BIRC6: variants seen among roughly 807,000 people sequenced by gnomAD.
BIRC6 encodes the protein dual E2 ubiquitin-conjugating enzyme/E3 ubiquitin-protein ligase BIRC6.
BIRC6 carries 98 observed loss-of-function variants against 503.3 expected under a neutral mutation model. The observed-to-expected ratio is 0.19, with a 90% CI of 0.17 to 0.23. The LOEUF (loss-of-function observed/expected upper bound fraction) is 0.23, where lower values mean the gene tolerates loss of function less well. BIRC6 is among the 10% of genes least tolerant of loss of function. The pLI, the probability that BIRC6 is intolerant of heterozygous loss-of-function variation, is 1.00. For synonymous variants in BIRC6, 2,240 were observed against 2,078.7 expected (o/e 1.08, Z -2.11); for missense variants, 5,360 against 5,806.0 (o/e 0.92, Z 2.50).
rs1364566987 is a variant in BIRC6 at position 32,468,105 on chromosome 2, A to G, written c.5774A>G (p.Gln1925Arg). Reference sequence around the variant, plus strand: ...ATGGTTGCTTTGCAGGAGGATATACAGTGCAGGTTAGTACAGAGTGCAAAT... The same window carrying G: ...ATGGTTGCTTTGCAGGAGGATATACGGTGCAGGTTAGTACAGAGTGCAAAT... ...AMMVALQEDIQCRYNLACHRL... is the reference protein window; with the variant it reads ...AMMVALQEDIRCRYNLACHRL... Residue 1925 changes from glutamine to arginine, a missense_variant, in exon 28 of 74, where the codon CAG becomes CGG. This residue lies in a region of BIRC6 where 2,299 missense variants were observed against 2,267.2 expected (regional missense o/e 1.01). Transcript: ENST00000421745. The G allele has an allele frequency of 3.7e-6, 6 of 1,613,654 alleles. No individual in the cohort carries two copies. Among genetic ancestry groups the G allele is most frequent in the Non-Finnish European group, 4.2e-6 (5 of 1,179,778 alleles).
chr2:32,526,294 C>T (rs2056266514), intron 59 of BIRC6, among the ~76,000 whole-genome samples: 1 of 152,148 alleles, frequency 6.6e-6, no homozygotes, highest in East Asian at 1.9e-4. Context: ...CAGTGGGTAA[C>T]AAAACTGCAA....
In BIRC6 at chr2:32,458,683, CTTTTTTT is replaced by C. The variant is rs1166608470; in HGVS notation, c.4754-4492_4754-4486del. 2.4e-3 allele frequency among the ~76,000 whole-genome samples: 214 copies of C among 89,476 alleles called. 1 individual carries two copies. Among genetic ancestry groups the C allele is most frequent in the Non-Finnish European group, 3.9e-3 (182 of 47,020 alleles). The allele number at this position is 89,476 out of a possible 152,430, so 58.7% of individuals were successfully genotyped here. The stretch of plus-strand genomic sequence containing the variant: ...TGGCCTTTTGTTAATACTCTATTGC[CTTTTTTT>C]TTTTTTTTTTTTTTTTTTCTGATAC... On this transcript the variant is annotated intron_variant, in intron 23 of 73. Coordinates refer to ENST00000421745, the MANE Select transcript of BIRC6 (RefSeq NM_016252.4).
chr2:32,413,936 G>A (rs1421210064), intron 9 of BIRC6, among the ~76,000 whole-genome samples: 1 of 152,012 alleles, frequency 6.6e-6, no homozygotes, highest in African/African-American at 2.4e-5. Context: ...TTGTTAATTG[G>A]CAAAAAAGTT....
At chr2:32,552,294 C>A (rs552106013) in intron 65 of BIRC6, among the ~76,000 whole-genome samples, 1 of 152,244 alleles carries the variant, frequency 6.6e-6, no homozygotes, top group South Asian at 2.1e-4. Flanking sequence ...GAGTCTGCTC[C>A]TCATTTTAAT....
intron 66 of BIRC6, among the ~76,000 whole-genome samples, chr2:32,589,360 A>T (rs2061262769): frequency 6.6e-6 from 1 of 152,164 alleles, no homozygotes; most frequent in Non-Finnish European, 1.5e-5. Flanking sequence ...TTGTACAAGT[A>T]CCCCACTTCC....
At chr2:32,546,750 A>G (rs2058078329) in intron 63 of BIRC6, among the ~76,000 whole-genome samples, 1 of 152,190 alleles carries the variant, frequency 6.6e-6, no homozygotes, top group African/African-American at 2.4e-5. Flanking sequence ...GAAAATATCT[A>G]AGAGTAAATC....
intron 33 of BIRC6, among the ~76,000 whole-genome samples, chr2:32,473,751 A>AT (rs1184435388): frequency 0.02 from 905 of 44,884 alleles, 38 homozygotes; most frequent in South Asian, 0.037. Context: ...GTGTGTGTGT[A>AT]TTTTTTTTTT....
At chr2:32,384,378 AT>A (rs769809045) in intron 3 of BIRC6, among the ~76,000 whole-genome samples, 558 of 138,684 alleles carry the variant, frequency 4.0e-3, no homozygotes, top group Admixed American at 4.0e-3. Context: ...TGGAAAAAAG[AT>A]TTTTTTTTTT....
chr2:32,461,956 T>TGGCTTC (rs1452694847), intron 23 of BIRC6, among the ~76,000 whole-genome samples: 1 of 152,176 alleles, frequency 6.6e-6, no homozygotes, highest in African/African-American at 2.4e-5. Context: ...TCATTGGCTT[T>TGGCTTC]GGCTTCACAT....
At chr2:32,531,605 C>A in intron 61 of BIRC6, 54 bp downstream of exon 61, 1 of 1,409,528 alleles carries the variant, frequency 7.1e-7, no homozygotes, top group Non-Finnish European at 9.6e-7. Flanking sequence ...GCCCTTCATT[C>A]TTTTTAATGT....
In BIRC6 at chr2:32,499,854, G is replaced by T; in HGVS notation, c.8776G>T (p.Val2926Phe). 6.2e-7 allele frequency: 1 copy of T among 1,613,996 alleles called. No individual in the cohort carries two copies. The highest frequency in any genetic ancestry group is 8.5e-7 in the Non-Finnish European group (1 of 1,179,882). Residue 2926 changes from valine (V) to phenylalanine (F), a missense_variant, in exon 46 of 74, where the codon GTT (valine) becomes TTT (phenylalanine). This residue lies in a region of BIRC6 where 2,299 missense variants were observed against 2,267.2 expected (regional missense o/e 1.01). Transcript: ENST00000421745. ...DQLMFDLLKL[V>F]NILVQLPLSG... ...ACTCATGTTTGATTTGTTAAAACTT[G>T]TTAACATTTTAGTGCAGCTGCCTCT...
chr2:32,371,065 T>A (rs1221207079), intron 1 of BIRC6, among the ~76,000 whole-genome samples: 5 of 151,636 alleles, frequency 3.3e-5, no homozygotes, highest in Non-Finnish European at 1.5e-5. Context: ...ATACAGAAAT[T>A]AGCCGGGCGT....
chr2:32,526,397 G>A (rs2056278003), intron 59 of BIRC6: 1 of 152,158 alleles, frequency 6.6e-6, no homozygotes, highest in Non-Finnish European at 1.5e-5. Context: ...TTGCTCTGTG[G>A]TGTTGGAAAT....
intron 68 of BIRC6, 41 bp downstream of exon 68, chr2:32,595,185 A>T (rs758471076): frequency 1.6e-6 from 2 of 1,285,388 alleles, no homozygotes; most frequent in Admixed American, 2.4e-5. Context: ...CTCACTTTCC[A>T]TTTTTTTTTA....
intron 64 of BIRC6, among the ~76,000 whole-genome samples, chr2:32,548,256 A>C (rs1007505780): frequency 3.3e-5 from 5 of 150,226 alleles, no homozygotes; most frequent in Admixed American, 1.3e-4. Context: ...GAAATTATCC[A>C]GTAGCTGGAA....
chr2:32,543,208 A>G (rs1285794922), intron 61 of BIRC6, 33 bp from the exon 62 acceptor site: 2 of 1,592,030 alleles, frequency 1.3e-6, no homozygotes, highest in Non-Finnish European at 8.6e-7. Context: ...TGAAAATGTG[A>G]ATGGCCAAGC....
intron 9 of BIRC6, among the ~76,000 whole-genome samples, chr2:32,413,297 C>T (rs2042086016): frequency 6.6e-6 from 1 of 151,862 alleles, no homozygotes; most frequent in African/African-American, 2.4e-5. Flanking sequence ...TTTCCAGCCC[C>T]AGCCTCCTGA....
chr2:32,453,867 C>G lies in BIRC6; in HGVS notation c.4678C>G (p.Leu1560Val). The change falls in exon 23 of 74, where the codon CTT becomes GTT. Residue 1560 changes from leucine to valine, a missense_variant. By Grantham distance (32) the Leu-to-Val change is conservative. Around this residue, in one of 16 missense-constraint regions of BIRC6, gnomAD observed 2,299 missense variants for 2,267.2 expected, o/e 1.01. Coordinates refer to ENST00000421745, the MANE Select transcript of BIRC6 (RefSeq NM_016252.4). ...GGGTAGTTTCACATCTCTCACTGGA[C>G]TTTTGGAAGTTGAACCTCTGCACTT... Reference protein sequence around the residue: ...AEGSFTSLTGLLEVEPLHFTC... With the variant: ...AEGSFTSLTGVLEVEPLHFTC... 6.2e-7 allele frequency: 1 copy of G among 1,613,642 alleles called. No homozygotes were observed. Among genetic ancestry groups the G allele is most frequent in the Non-Finnish European group, 8.5e-7 (1 of 1,179,644 alleles).
intron 8 of BIRC6, among the ~76,000 whole-genome samples, chr2:32,404,702 C>G (rs1186867220): frequency 6.6e-6 from 1 of 150,498 alleles, no homozygotes; most frequent in Non-Finnish European, 1.5e-5. Flanking sequence ...TCTCTTGAAA[C>G]AAGGTCTTGC....
Sources: allele counts gnomAD v4.1 joint callset (sites outside exome capture counted in the v4.1 genomes callset), GRCh38; gene constraint gnomAD v4.1.1; regional missense constraint gnomAD v4.1.1; transcripts MANE v1.5; gene names NCBI Gene and HGNC (gene_info 2026-07-23, HGNC 2026-07-21).